The following ADAMDEC1 variants were observed in gnomAD, a reference collection of about 807,000 sequenced individuals.
The protein encoded by ADAMDEC1 is ADAM DEC1.
Under a neutral mutation model 60.4 loss-of-function variants are expected in ADAMDEC1, and 62 were observed. The ratio of observed to expected loss-of-function variants is 1.03; its 90% CI spans 0.84 to 1.27. ADAMDEC1 has a LOEUF of 1.27. Among genes scored for constraint, ADAMDEC1 ranks in the 50% most tolerant of loss-of-function variants. The pLI is 0.00. For missense variants in ADAMDEC1, 595 were observed against 565.0 expected (o/e 1.05, Z -0.54); for synonymous variants, 210 against 195.1 (o/e 1.08, Z -0.64).
chr8:24,386,914 T>C (rs1817307458), intron 1 of ADAMDEC1, among the ~76,000 whole-genome samples: 1 of 152,142 alleles, frequency 6.6e-6, no homozygotes, highest in African/African-American at 2.4e-5. Context: ...GCAGCTGTTA[T>C]GTTTTGCCAG....
intron 1 of ADAMDEC1, among the ~76,000 whole-genome samples, chr8:24,391,460 C>T (rs986614902): frequency 5.3e-5 from 8 of 152,100 alleles, no homozygotes; most frequent in Admixed American, 2.0e-4. Flanking sequence ...GTTACTTCTA[C>T]GAGGTTATTT....
intron 1 of ADAMDEC1, among the ~76,000 whole-genome samples, chr8:24,389,033 G>A (rs1209093078): frequency 1.3e-5 from 2 of 152,094 alleles, no homozygotes; most frequent in African/African-American, 4.8e-5. Context: ...AGGTATGATA[G>A]CATTACAGTT....
At chr8:24,393,361 C>G in intron 3 of ADAMDEC1, 23 bp downstream of exon 3, 1 of 1,484,268 alleles carries the variant, frequency 6.7e-7, no homozygotes, top group Non-Finnish European at 9.3e-7. Flanking sequence ...TCCTAAAAGT[C>G]TAATCACTGG....
rs1817245183 is a variant in ADAMDEC1, at chr8:24,384,559, C to G, written c.55C>G (p.Leu19Val). Residue 19 changes from leucine to valine, a missense_variant, in exon 1 of 14, where the codon CTG becomes GTG. Physicochemically the swap from Leu to Val is conservative, Grantham distance 32. Coordinates refer to ENST00000256412, the MANE Select transcript of ADAMDEC1 (RefSeq NM_014479.3). ...PAVATMSWVL[L>V]PVLWLIVQTQ... ...AGTGGCCACCATGTCTTGGGTCCTG[C>G]TGCCTGTACTTTGGCTCATTGTTCA... 6.2e-7 allele frequency: 1 copy of G among 1,611,166 alleles called. No homozygotes were observed. The highest frequency in any genetic ancestry group is 1.3e-5 in the African/African-American group (1 of 74,786).
rs771846264 is a variant in ADAMDEC1 at position 24,402,071 on chromosome 8, C to T, written c.1299C>T (p.Asp433=). Residue 433 remains aspartate, a synonymous_variant, in exon 12 of 14, where the codon GAC becomes GAT. Transcript: ENST00000256412. ...ACCACCTTCTAGAAGTGGGAGAAGA[C>T]TGTGATTGTGGCTCTCCTAAGGTAT... ...CGNHLLEVGE[D]CDCGSPKECT... is the part of the protein sequence containing the mutation. The T allele has an allele frequency of 6.8e-6, 11 of 1,611,462 alleles. No individual in the cohort carries two copies. In the Admixed American group the frequency reaches 1.3e-4, roughly 20 times the overall value.
At chr8:24,394,780 C>T (rs867705094) in intron 4 of ADAMDEC1, among the ~76,000 whole-genome samples, 5 of 152,130 alleles carry the variant, frequency 3.3e-5, no homozygotes, top group Admixed American at 6.5e-5. Flanking sequence ...TTCTTTGTTC[C>T]CCATGCTCAT....
chr8:24,403,157 G>A (rs1246879731), intron 12 of ADAMDEC1, among the ~76,000 whole-genome samples: 1 of 152,052 alleles, frequency 6.6e-6, no homozygotes. Flanking sequence ...GTCAACTCTT[G>A]TATTATTTTC....
At position 24,386,212 on chromosome 8, in the gene ADAMDEC1, A is replaced by G. The variant is rs1166263464; in HGVS notation, c.88+1620A>G. Reference sequence around the variant, plus strand: ...AAAGCTATTATTTTGGAAGATATTCATTAGGTTGCAGTTAACTATATAATT... The same window carrying G: ...AAAGCTATTATTTTGGAAGATATTCGTTAGGTTGCAGTTAACTATATAATT... On this transcript the variant is annotated intron_variant, in intron 1 of 13. Coordinates refer to ENST00000256412, the MANE Select transcript of ADAMDEC1 (RefSeq NM_014479.3). Among the ~76,000 whole-genome samples the G allele has an allele frequency of 3.3e-5, 5 of 152,304 alleles. No homozygotes were observed. The East Asian group carries it at 9.7e-4, about 29-fold the overall frequency.
At chr8:24,387,797 T>C (rs1323422154) in intron 1 of ADAMDEC1, 1 of 152,258 alleles carries the variant, frequency 6.6e-6, no homozygotes, top group Non-Finnish European at 1.5e-5. Flanking sequence ...TCACAATCTG[T>C]TGCAGCATTC....
chr8:24,403,952 T>C, intron 12 of ADAMDEC1, 51 bp from the exon 13 acceptor site: 1 of 1,485,774 alleles, frequency 6.7e-7, no homozygotes, highest in Non-Finnish European at 9.4e-7. Context: ...ACCTAGTCTA[T>C]GGGAAGAAAA....
chr8:24,400,709 A>G (rs1817742214), intron 11 of ADAMDEC1, among the ~76,000 whole-genome samples: 1 of 151,548 alleles, frequency 6.6e-6, no homozygotes, highest in South Asian at 2.1e-4. Flanking sequence ...ACATATGTAT[A>G]CATGTGCCAT....
rs1276842795 is a variant in ADAMDEC1, at chr8:24,405,506, TTTTTTTC to T, written c.*222_*228del. On this transcript the variant is annotated 3_prime_UTR_variant, in exon 14 of 14. Coordinates refer to ENST00000256412, the MANE Select transcript of ADAMDEC1 (RefSeq NM_014479.3). ...TAGGCCTAATCTTTCTTTTTACTTT[TTTTTTTC>T]TTTTTTCTTTTTTTTTAAAGATCAT... The T allele has an allele frequency of 1.4e-5, 7 of 491,650 alleles. No individual in the cohort carries two copies. The highest frequency in any genetic ancestry group is 2.0e-5 in the African/African-American group (1 of 49,538). 30.5% of individuals were successfully genotyped at this position (491,650 alleles called of 1,614,324 possible).
At chr8:24,397,850 T>C (rs1260791216) in intron 7 of ADAMDEC1, 105 bp downstream of exon 7, 1 of 1,060,556 alleles carries the variant, frequency 9.4e-7, no homozygotes, top group Non-Finnish European at 1.4e-6. Flanking sequence ...ATGGGGCATT[T>C]GTCCACCTGG....
In ADAMDEC1 at chr8:24,397,762, CG is replaced by C; in HGVS notation, c.690+19del. 6.2e-7 allele frequency: 1 copy of C among 1,605,744 alleles called. No individual in the cohort carries two copies. The highest frequency in any genetic ancestry group is 8.5e-7 in the Non-Finnish European group (1 of 1,175,592). On this transcript the variant is annotated intron_variant, in intron 7 of 13. Coordinates refer to ENST00000256412, the MANE Select transcript of ADAMDEC1 (RefSeq NM_014479.3). ...AATGCCTTTGTGAGTATGAAACACA[CG>C]GCCCTCTCGGCCAGTTCAGTCACCC...
chr8:24,399,091 AG>A, intron 9 of ADAMDEC1, 51 bp downstream of exon 9: 2 of 1,558,862 alleles, frequency 1.3e-6, no homozygotes, highest in Non-Finnish European at 1.7e-6. Context: ...AGCTATCCCC[AG>A]GGTTCCTTAG....
At chr8:24,388,210 C>G (rs958960950) in intron 1 of ADAMDEC1, among the ~76,000 whole-genome samples, 2 of 152,134 alleles carry the variant, frequency 1.3e-5, no homozygotes, top group South Asian at 4.1e-4. Flanking sequence ...TCTGCAGAAC[C>G]TTGAGAACTT....
In ADAMDEC1 at chr8:24,404,976, A is replaced by G. The variant is rs182257382; in HGVS notation, c.1407-316A>G. Among the ~76,000 whole-genome samples, 323 of 152,244 alleles carry G rather than the reference A, an allele frequency of 2.1e-3. 2 individuals are homozygous for G. The highest frequency in any genetic ancestry group is 6.8e-3 in the Middle Eastern group (2 of 294). On this transcript the variant is annotated intron_variant, in intron 13 of 13. Coordinates refer to ENST00000256412, the MANE Select transcript of ADAMDEC1 (RefSeq NM_014479.3). The stretch of plus-strand genomic sequence containing the variant: ...ACAAAAGAAAAAAAATCATCCAGCT[A>G]TTTAAGGGCTTGGAACCCTAGGTGA...
chr8:24,403,738 T>G (rs935880042), intron 12 of ADAMDEC1, among the ~76,000 whole-genome samples: 1 of 152,192 alleles, frequency 6.6e-6, no homozygotes, highest in African/African-American at 2.4e-5. Flanking sequence ...TAGTTTGGAC[T>G]TACACATCAT....
chr8:24,393,476 TA>T lies in ADAMDEC1; in HGVS notation c.284+143del, dbSNP rs1265197605. On this transcript the variant is annotated intron_variant, in intron 3 of 13. Coordinates refer to ENST00000256412, the MANE Select transcript of ADAMDEC1 (RefSeq NM_014479.3). ...AGCTTTAGATGATACTAGTTTGTGCTAAAAAGGCTGATTTCCTAGGAAATTA... is the reference window on the plus strand; with the variant it reads ...AGCTTTAGATGATACTAGTTTGTGCTAAAAGGCTGATTTCCTAGGAAATTA... The T allele has an allele frequency of 4.5e-5, 22 of 492,790 alleles. No homozygotes were observed. The Admixed American group carries it at 6.2e-4, about 14-fold the overall frequency. The allele number at this position is 492,790 out of a possible 1,614,324, so 30.5% of individuals were successfully genotyped here.
Sources: gnomAD v4.1 joint callset for allele counts (sites outside exome capture counted in the v4.1 genomes callset) on GRCh38, gnomAD v4.1.1 for gene constraint, MANE v1.5 for transcripts, NCBI Gene and HGNC (gene_info 2026-07-23, HGNC 2026-07-21) for gene names.